The following VPS13B variants were observed in gnomAD, a reference collection of about 807,000 sequenced individuals.
VPS13B encodes the protein vacuolar protein sorting 13 homolog B, also known as intermembrane lipid transfer protein VPS13B.
A neutral mutation model predicts 426.4 loss-of-function variants in VPS13B; 285 were observed. That is an observed-to-expected ratio of 0.67 (90% CI 0.61 to 0.74). The LOEUF (loss-of-function observed/expected upper bound fraction) is 0.74, where lower values mean the gene tolerates loss of function less well. Ranked by LOEUF, VPS13B falls within the 30% of genes least tolerant of loss-of-function variation. The pLI, the probability that VPS13B is intolerant of heterozygous loss-of-function variation, is 0.00. For missense variants in VPS13B, 4,537 were observed against 4,782.6 expected (o/e 0.95, Z 1.51); for synonymous variants, 1,676 against 1,676.4 (o/e 1.00, Z 0.01).
At chr8:99,669,273 TTTAA>T (rs1830609965) in intron 35 of VPS13B, among the ~76,000 whole-genome samples, 1 of 152,064 alleles carries the variant, frequency 6.6e-6, no homozygotes, top group Admixed American at 6.6e-5. Context: ...GCAATTTTTT[TTTAA>T]TTTAATGAGA....
chr8:99,239,918 C>T (rs970196991), intron 17 of VPS13B, among the ~76,000 whole-genome samples: 1 of 152,220 alleles, frequency 6.6e-6, no homozygotes, highest in Non-Finnish European at 1.5e-5. Context: ...ATTTTGGTGG[C>T]TCAGTTAAAA....
intron 59 of VPS13B, among the ~76,000 whole-genome samples, chr8:99,869,268 CAT>C (rs1221421334): frequency 2.6e-5 from 4 of 152,236 alleles, no homozygotes; most frequent in African/African-American, 9.6e-5. Flanking sequence ...GTTTGTCAGA[CAT>C]GTGAGCACAC....
At chr8:99,296,703 G>A (rs1213409217) in intron 19 of VPS13B, among the ~76,000 whole-genome samples, 1 of 152,130 alleles carries the variant, frequency 6.6e-6, no homozygotes, top group Admixed American at 6.6e-5. Flanking sequence ...AGTCACAAGG[G>A]TTGGCCCTTG....
In VPS13B at chr8:99,776,948, T is replaced by A; in HGVS notation, c.7421T>A (p.Leu2474Gln). 1 of 1,613,976 alleles carries A rather than the reference T, an allele frequency of 6.2e-7. No homozygotes were observed. The highest frequency in any genetic ancestry group is 8.5e-7 in the Non-Finnish European group (1 of 1,179,866). The change falls in exon 41 of 62, where the codon CTA (leucine) becomes CAA (glutamine). Residue 2474 changes from leucine to glutamine, a missense_variant. Transcript: ENST00000357162. ...EFHLCHHLDQLGTAAPQYLQP... is the reference protein window; with the variant it reads ...EFHLCHHLDQQGTAAPQYLQP... Reference sequence around the variant, plus strand: ...CATCTTTGTCATCACCTTGACCAACTAGGCACAGGTACTCTTTTTTTTAGC... The same window carrying A: ...CATCTTTGTCATCACCTTGACCAACAAGGCACAGGTACTCTTTTTTTTAGC...
intron 51 of VPS13B, among the ~76,000 whole-genome samples, chr8:99,832,053 G>A (rs982043101): frequency 2.0e-5 from 3 of 152,134 alleles, no homozygotes; most frequent in African/African-American, 7.2e-5. Flanking sequence ...TTGAGGTCAG[G>A]AGTTTGAGAC....
intron 12 of VPS13B, among the ~76,000 whole-genome samples, chr8:99,142,018 A>G (rs1810454669): frequency 6.6e-6 from 1 of 152,248 alleles, no homozygotes; most frequent in East Asian, 1.9e-4. Flanking sequence ...ACGCCACTGC[A>G]CTTGAGCCTG....
At chr8:99,841,392 G>A (rs1367044517) in intron 54 of VPS13B, among the ~76,000 whole-genome samples, 2 of 152,150 alleles carry the variant, frequency 1.3e-5, no homozygotes, top group Non-Finnish European at 2.9e-5. Flanking sequence ...AAACCAAGAT[G>A]ATCATTTTTC....
At position 99,797,246 on chromosome 8, in the gene VPS13B, A is replaced by AT. The variant is rs1050995960; in HGVS notation, c.7942-12118dup. 1.1e-3 allele frequency: 165 copies of AT among 147,366 alleles called. 1 individual carries two copies. The highest frequency in any genetic ancestry group is 1.9e-3 in the African/African-American group (78 of 40,210). 9.1% of individuals were successfully genotyped at this position (147,366 alleles called of 1,614,324 possible). ...TAAGTGTTCCTTTATTTTTATTATT[A>AT]TTTTTTTTTTTGAGACAGAGTTTTG... On this transcript the variant is annotated intron_variant, in intron 43 of 61. Coordinates refer to ENST00000357162, the MANE Select transcript of VPS13B (RefSeq NM_152564.5).
chr8:99,058,423 G>A (rs1157756659), intron 3 of VPS13B, among the ~76,000 whole-genome samples: 1 of 150,982 alleles, frequency 6.6e-6, no homozygotes, highest in Non-Finnish European at 1.5e-5. Context: ...TTAAAAATAA[G>A]TCATAAAATA....
intron 15 of VPS13B, among the ~76,000 whole-genome samples, chr8:99,160,461 C>A (rs1367197271): frequency 6.6e-6 from 1 of 151,262 alleles, no homozygotes; most frequent in Non-Finnish European, 1.5e-5. Context: ...GAGGTCGAGA[C>A]CCCCCTGAGC....
At chr8:99,021,691 C>T (rs1255133213) in intron 2 of VPS13B, among the ~76,000 whole-genome samples, 1 of 152,034 alleles carries the variant, frequency 6.6e-6, no homozygotes, top group African/African-American at 2.4e-5. Context: ...GTGGCATGAT[C>T]ATAGCTCACT....
At chr8:99,813,074 G>A (rs1373778381) in intron 44 of VPS13B, among the ~76,000 whole-genome samples, 2 of 152,112 alleles carry the variant, frequency 1.3e-5, no homozygotes, top group Non-Finnish European at 2.9e-5. Context: ...TGTAAGTTTT[G>A]CCACTTTGAA....
chr8:99,691,961 G>C (rs931314628), intron 35 of VPS13B, among the ~76,000 whole-genome samples: 2 of 151,846 alleles, frequency 1.3e-5, no homozygotes, highest in Non-Finnish European at 2.9e-5. Flanking sequence ...ATTACAGAAT[G>C]GTAAAGGGAT....
intron 40 of VPS13B, among the ~76,000 whole-genome samples, chr8:99,769,732 C>T (rs1811390549): frequency 6.6e-6 from 1 of 152,116 alleles, no homozygotes; most frequent in Non-Finnish European, 1.5e-5. Context: ...GGTTTAAGGC[C>T]TGGCTCCATC....
At chr8:99,333,619 A>T (rs1486146278) in intron 19 of VPS13B, among the ~76,000 whole-genome samples, 1 of 151,842 alleles carries the variant, frequency 6.6e-6, no homozygotes, top group Non-Finnish European at 1.5e-5. Context: ...TGACTGTAAG[A>T]ATCCCTTGTG....
chr8:99,748,618 C>T (rs1032134649), intron 39 of VPS13B, among the ~76,000 whole-genome samples: 1 of 151,966 alleles, frequency 6.6e-6, no homozygotes, highest in Non-Finnish European at 1.5e-5. Context: ...GAAAGAAGAA[C>T]ATGATCAATG....
At chr8:99,089,600 C>T (rs1183792899) in intron 3 of VPS13B, among the ~76,000 whole-genome samples, 2 of 152,058 alleles carry the variant, frequency 1.3e-5, no homozygotes, top group African/African-American at 4.8e-5. Context: ...TATCTAAAGA[C>T]CTGGAATCCA....
rs2130749065 is a variant in VPS13B, at chr8:99,797,595, T to C, written c.7942-11780T>C. 2.6e-5 allele frequency among the ~76,000 whole-genome samples: 4 copies of C among 152,316 alleles called. 1 individual carries two copies. The Middle Eastern group carries it at 0.014, about 518-fold the overall frequency. ...ATATACTGTCAATTCAGTTGGGCTC[T>C]TAAGAGTAGCTCCTGGTCACACACC... On this transcript the variant is annotated intron_variant, in intron 43 of 61. Coordinates refer to ENST00000357162, the MANE Select transcript of VPS13B (RefSeq NM_152564.5).
At chr8:99,327,391 GTAGCCAGTCAAATAAATGGCAGC>G (rs1810332320) in intron 19 of VPS13B, among the ~76,000 whole-genome samples, 1 of 152,024 alleles carries the variant, frequency 6.6e-6, no homozygotes. Flanking sequence ...ATTAATATAG[GTAGCCAGTCAAATAAATGGCAGC>G]TAGCCAGTCA....
Sources: gnomAD v4.1 joint callset for allele counts (sites outside exome capture counted in the v4.1 genomes callset) on GRCh38, gnomAD v4.1.1 for gene constraint, MANE v1.5 for transcripts, NCBI Gene and HGNC (gene_info 2026-07-23, HGNC 2026-07-21) for gene names.